The following ARHGAP15 variants were observed in gnomAD, a reference collection of about 807,000 sequenced individuals.
The protein encoded by ARHGAP15 is rho GTPase-activating protein 15.
ARHGAP15 carries 51 observed loss-of-function variants against 63.7 expected under a neutral mutation model. That is an observed-to-expected ratio of 0.80 (90% confidence interval 0.64 to 1.01). The LOEUF (loss-of-function observed/expected upper bound fraction) is 1.01. Among genes scored for constraint, ARHGAP15 ranks in the 50% least tolerant of loss-of-function variants. The pLI is 0.00. For synonymous variants in ARHGAP15, 191 were observed against 193.8 expected (o/e 0.99, Z 0.12); for missense variants, 560 against 564.6 (o/e 0.99, Z 0.08).
At chr2:143,237,664 T>C (rs1003443949) in intron 5 of ARHGAP15, 1 of 152,202 alleles carries the variant, frequency 6.6e-6, no homozygotes, top group Non-Finnish European at 1.5e-5. Flanking sequence ...GCTGTGGAAC[T>C]CATTGTCACC....
intron 6 of ARHGAP15, among the ~76,000 whole-genome samples, chr2:143,271,077 T>C (rs1681256081): frequency 6.6e-6 from 1 of 152,204 alleles, no homozygotes; most frequent in Admixed American, 6.5e-5. Context: ...CTTTCTTCTG[T>C]ATTAGAAATT....
At chr2:143,204,647 C>T (rs1411919038) in intron 3 of ARHGAP15, among the ~76,000 whole-genome samples, 1 of 152,090 alleles carries the variant, frequency 6.6e-6, no homozygotes, top group Non-Finnish European at 1.5e-5. Context: ...TCAAAATCCT[C>T]CCTGGCTTTT....
intron 2 of ARHGAP15, among the ~76,000 whole-genome samples, chr2:143,200,362 G>A (rs1007663639): frequency 1.3e-5 from 2 of 149,854 alleles, no homozygotes; most frequent in African/African-American, 4.9e-5. Flanking sequence ...GAATTTTTTA[G>A]GCCAGGATTC....
chr2:143,554,121 C>A (rs60521821), intron 10 of ARHGAP15, among the ~76,000 whole-genome samples: 47,560 of 152,004 alleles, frequency 0.31, 7,978 homozygotes, highest in East Asian at 0.42. Flanking sequence ...TCTTTAATCA[C>A]TGTAAATAGG....
At chr2:143,340,211 G>A (rs918332091) in intron 6 of ARHGAP15, among the ~76,000 whole-genome samples, 9 of 152,102 alleles carry the variant, frequency 5.9e-5, no homozygotes, top group South Asian at 2.1e-4. Context: ...TTGGAATAAC[G>A]GTTTAAGCTG....
At chr2:143,458,145 A>G (rs1574476560) in intron 8 of ARHGAP15, among the ~76,000 whole-genome samples, 1 of 152,158 alleles carries the variant, frequency 6.6e-6, no homozygotes, top group South Asian at 2.1e-4. Context: ...TTGAACATAC[A>G]TCTTCAAAAT....
intron 11 of ARHGAP15, among the ~76,000 whole-genome samples, chr2:143,623,632 A>C (rs1698727056): frequency 6.6e-6 from 1 of 152,228 alleles, no homozygotes; most frequent in Non-Finnish European, 1.5e-5. Context: ...AAAAAAAGGG[A>C]AAAAGTGTTA....
chr2:143,644,313 T>G (rs1680759087), intron 12 of ARHGAP15, among the ~76,000 whole-genome samples: 1 of 151,990 alleles, frequency 6.6e-6, no homozygotes, highest in South Asian at 2.1e-4. Context: ...CATTCCTTCC[T>G]CTGGGTACAG....
At chr2:143,133,149 GAC>G in intron 1 of ARHGAP15, among the ~76,000 whole-genome samples, 1 of 152,296 alleles carries the variant, frequency 6.6e-6, no homozygotes, top group Middle Eastern at 3.4e-3. Flanking sequence ...GGGAGTTCTG[GAC>G]AGTTTTGGAG....
At chr2:143,556,219 A>G (rs1695791736) in intron 10 of ARHGAP15, among the ~76,000 whole-genome samples, 189 bp from the exon 11 acceptor site, 1 of 152,060 alleles carries the variant, frequency 6.6e-6, no homozygotes. Context: ...ATTGATGATA[A>G]TTTTAATTAA....
At chr2:143,642,566 T>G (rs1168827150) in intron 12 of ARHGAP15, among the ~76,000 whole-genome samples, 1 of 152,116 alleles carries the variant, frequency 6.6e-6, no homozygotes, top group Non-Finnish European at 1.5e-5. Context: ...ACTCGTAGTA[T>G]GTTGACATCA....
intron 6 of ARHGAP15, among the ~76,000 whole-genome samples, chr2:143,289,935 C>T (rs915407768): frequency 2.0e-5 from 3 of 152,132 alleles, no homozygotes; most frequent in Non-Finnish European, 4.4e-5. Context: ...TCATAATAAA[C>T]TTTGAATAAA....
At chr2:143,700,672 G>GAA (rs1405921181) in intron 12 of ARHGAP15, among the ~76,000 whole-genome samples, 1 of 133,972 alleles carries the variant, frequency 7.5e-6, no homozygotes, top group Non-Finnish European at 1.7e-5. Flanking sequence ...CCTCTTGAAT[G>GAA]AATATATATA....
At chr2:143,488,578 A>C (rs145598198) in intron 9 of ARHGAP15, among the ~76,000 whole-genome samples, 46 of 152,350 alleles carry the variant, frequency 3.0e-4, no homozygotes, top group African/African-American at 1.0e-3. Context: ...CCTCAGAAGA[A>C]AGCTGAAAGG....
At chr2:143,233,340 C>T (rs969412149) in intron 5 of ARHGAP15, among the ~76,000 whole-genome samples, 1 of 151,962 alleles carries the variant, frequency 6.6e-6, no homozygotes, top group Non-Finnish European at 1.5e-5. Flanking sequence ...CTATTTCTCC[C>T]TCATCCTAGA....
rs141616050 is a variant in ARHGAP15, at chr2:143,465,836, G to A, written c.704-21537G>A. Among the ~76,000 whole-genome samples, 747 of 152,022 alleles carry A rather than the reference G, an allele frequency of 4.9e-3. 3 individuals carry two copies. The highest frequency in any genetic ancestry group is 7.8e-3 in the Non-Finnish European group (532 of 67,956). The stretch of plus-strand genomic sequence containing the variant: ...GCTTCACTTTCTCCATTTGTGCTTA[G>A]GTATGACACTTTTTGCAATTCCAAA... On this transcript the variant is annotated intron_variant, in intron 8 of 13. Coordinates refer to ENST00000295095, the MANE Select transcript of ARHGAP15 (RefSeq NM_018460.4).
chr2:143,407,988 T>G (rs1379037397), intron 6 of ARHGAP15, among the ~76,000 whole-genome samples: 1 of 14,962 alleles, frequency 6.7e-5, no homozygotes, highest in African/African-American at 5.3e-4. Context: ...TCTGTGTGTG[T>G]ATATATATAT....
intron 6 of ARHGAP15, among the ~76,000 whole-genome samples, chr2:143,318,300 C>T (rs767715227): frequency 6.6e-6 from 1 of 152,036 alleles, no homozygotes; most frequent in Non-Finnish European, 1.5e-5. Flanking sequence ...GCCACCATGC[C>T]CGTCCCATAA....
chr2:143,621,367 A>T lies in ARHGAP15; in HGVS notation c.1004-2766A>T, dbSNP rs555101488. Among the ~76,000 whole-genome samples the T allele has an allele frequency of 1.7e-4, 24 of 144,156 alleles. No individual in the cohort carries two copies. In the East Asian group the frequency reaches 1.7e-3, roughly 10 times the overall value. 94.6% of individuals were successfully genotyped at this position (144,156 alleles called of 152,430 possible). ...ATTTGTAATAATGCCTGTTAACACC[A>T]GGGTAGGGTTATGGTTAGTTCATCT... On this transcript the variant is annotated intron_variant, in intron 11 of 13. Coordinates refer to ENST00000295095, the MANE Select transcript of ARHGAP15 (RefSeq NM_018460.4).
Sources: gnomAD v4.1 joint callset for allele counts (sites outside exome capture counted in the v4.1 genomes callset) on GRCh38, gnomAD v4.1.1 for gene constraint, MANE v1.5 for transcripts, NCBI Gene and HGNC (gene_info 2026-07-23, HGNC 2026-07-21) for gene names.